The following PROM2 variants were observed in gnomAD, a reference collection of about 807,000 sequenced individuals.
PROM2 encodes prominin 2, also known as prominin-2.
Under a neutral mutation model 110.2 loss-of-function variants are expected in PROM2, and 90 were observed. The observed-to-expected ratio is 0.82, with a 90% CI of 0.69 to 0.97. The LOEUF (loss-of-function observed/expected upper bound fraction) is 0.97. Ranked by LOEUF, PROM2 falls within the 50% of genes least tolerant of loss-of-function variation. PROM2 has a pLI of 0.00. For synonymous variants in PROM2, 470 were observed against 467.8 expected (o/e 1.00, Z -0.06); for missense variants, 1,009 against 1,074.8 (o/e 0.94, Z 0.86).
chr2:95,276,229 T>C lies in PROM2; in HGVS notation c.500T>C (p.Ile167Thr). Reference protein sequence around the residue: ...FLLLTTLLLLIGVVCAFVTNQ... With the variant: ...FLLLTTLLLLTGVVCAFVTNQ... ...TCCTCCTCCCTCCATTCCCACAGGA[T>C]TGGTGTGGTCTGTGCCTTTGTCACC... The change falls in exon 4 of 24, where the codon ATT (isoleucine) becomes ACT (threonine). Residue 167 changes from isoleucine (I) to threonine (T), a missense_variant and splice_region_variant. Ile to Thr is a moderately conservative substitution (Grantham distance 89). Transcript: ENST00000317620. This position sits in a 1 kb window ranked among gnomAD's most constrained non-coding sequence, Gnocchi z 4.6. The C allele has an allele frequency of 1.2e-6, 2 of 1,613,944 alleles. No individual in the cohort carries two copies. Among genetic ancestry groups the C allele is most frequent in the East Asian group, 4.5e-5 (2 of 44,860 alleles).
At chr2:95,280,026 T>C (rs781497690) in intron 11 of PROM2, 29 bp downstream of exon 11, 1 of 1,383,730 alleles carries the variant, frequency 7.2e-7, no homozygotes, top group Admixed American at 2.8e-5. Context: ...AGGGGAAGGG[T>C]CCCCTCTTAT....
Position 95,290,108 on chromosome 2 carries a change from C to T in PROM2, c.*895C>T, listed in dbSNP as rs1437105862. On this transcript the variant is annotated 3_prime_UTR_variant, in exon 24 of 24. Coordinates refer to ENST00000317620, the MANE Select transcript of PROM2 (RefSeq NM_001165978.3). ...TACCTCTTCAGAAGGAAGCATCTTC[C>T]ACAGCCCCCACCCAACTTTCTTAGG... The T allele has an allele frequency of 6.6e-6, 1 of 152,340 alleles. No homozygotes were observed. The highest frequency in any genetic ancestry group is 1.5e-5 in the Non-Finnish European group (1 of 68,138). The allele number at this position is 152,340 out of a possible 1,614,324, so 9.4% of individuals were successfully genotyped here. A position where few individuals can be genotyped will look rare whatever the true frequency, so the allele number is the denominator to read the frequency against.
In PROM2 at chr2:95,286,539, CAGG is replaced by C; in HGVS notation, c.2011_2013del (p.Glu671del). 6.2e-7 allele frequency: 1 copy of C among 1,613,766 alleles called. No individual in the cohort carries two copies. On this transcript the variant is annotated inframe_deletion, in exon 17 of 24. Coordinates refer to ENST00000317620, the MANE Select transcript of PROM2 (RefSeq NM_001165978.3). Reference sequence around the variant, plus strand: ...GGCCCAAGGACTCAGAAACCTTCACCAGGAGAAGGTCGTCCCCCAGCAGAGCCT... The same window carrying C: ...GGCCCAAGGACTCAGAAACCTTCACCAGAAGGTCGTCCCCCAGCAGAGCCT...
At chr2:95,286,940 C>A in intron 18 of PROM2, 83 bp downstream of exon 18, 1 of 1,481,450 alleles carries the variant, frequency 6.8e-7, no homozygotes, top group East Asian at 2.3e-5. Flanking sequence ...TCACTCTGCA[C>A]CTCAGAGCTC....
chr2:95,278,126 C>G, intron 8 of PROM2, 122 bp downstream of exon 8: 1 of 779,748 alleles, frequency 1.3e-6, no homozygotes, highest in African/African-American at 1.7e-5. Flanking sequence ...CACACAGCAC[C>G]CTGGGCAGGG....
At position 95,277,970 on chromosome 2, in the gene PROM2, TC is replaced by T. The variant is rs749380282; in HGVS notation, c.1020del (p.Glu341ArgfsTer33). On this transcript the variant is annotated frameshift_variant, in exon 8 of 24. Coordinates refer to ENST00000317620, the MANE Select transcript of PROM2 (RefSeq NM_001165978.3). LOFTEE classifies it high-confidence loss of function. ...VDHVLHQLKG[V>X]PEANFSSMVQ... ...CATGTCCTGCACCAGCTAAAAGGTGTCCCCGAGGCCAACTTCTCCAGCATGG... is the reference window on the plus strand; with the variant it reads ...CATGTCCTGCACCAGCTAAAAGGTGTCCCGAGGCCAACTTCTCCAGCATGG... 6.2e-7 allele frequency: 1 copy of T among 1,612,040 alleles called. No homozygotes were observed. The highest frequency in any genetic ancestry group is 8.5e-7 in the Non-Finnish European group (1 of 1,179,468).
intron 9 of PROM2, 50 bp downstream of exon 9, chr2:95,278,834 A>C (rs746199904): frequency 1.9e-6 from 3 of 1,611,294 alleles, no homozygotes; most frequent in Non-Finnish European, 2.5e-6. Flanking sequence ...TTCCCACCCC[A>C]CCCCTACCAG....
In PROM2 at chr2:95,286,845, C is replaced by T. The variant is rs1316170408; in HGVS notation, c.2082C>T (p.Ala694=). 1 of 1,613,870 alleles carries T rather than the reference C, an allele frequency of 6.2e-7. No individual in the cohort carries two copies. Among genetic ancestry groups the T allele is most frequent in the Non-Finnish European group, 8.5e-7 (1 of 1,179,986 alleles). ...NLSVRALESS[A]PNLQLETSDV... The stretch of plus-strand genomic sequence containing the variant: ...GCGTCAGGGCCCTGGAGTCCTCTGC[C>T]CCGAATCTCCAGGTGGCTGCTGTTG... The change falls in exon 18 of 24, where the codon GCC becomes GCT. Residue 694 remains alanine, a synonymous_variant. Transcript: ENST00000317620.
At chr2:95,284,398 G>A (rs969100572) in intron 14 of PROM2, among the ~76,000 whole-genome samples, 1 of 152,058 alleles carries the variant, frequency 6.6e-6, no homozygotes, top group African/African-American at 2.4e-5. Flanking sequence ...GGCTGAGGTG[G>A]TAGAATCACT....
At chr2:95,286,988 G>T (rs1486022681) in intron 18 of PROM2, 131 bp downstream of exon 18, 15 of 1,283,298 alleles carry the variant, frequency 1.2e-5, no homozygotes, top group Non-Finnish European at 1.7e-5. Flanking sequence ...GAAGATGGGG[G>T]TGGCAGCAGA....
rs780906535 is a variant in PROM2 at position 95,277,037 on chromosome 2, G to A, written c.748G>A (p.Ala250Thr). Residue 250 changes from alanine (A) to threonine (T), a missense_variant, in exon 6 of 24, where the codon GCG becomes ACG. Coordinates refer to ENST00000317620, the MANE Select transcript of PROM2 (RefSeq NM_001165978.3). ...QLRSSVYPLL[A>T]AVGSLGQVLQ... is the part of the protein sequence containing the mutation. ...CAGGAGCTCCGTGTACCCCTTGCTG[G>A]CGGCCGTGGGCAGTTTGGGCCAGGG... 3.9e-6 allele frequency: 6 copies of A among 1,551,960 alleles called. No individual in the cohort carries two copies. The highest frequency in any genetic ancestry group is 5.2e-6 in the Non-Finnish European group (6 of 1,147,230).
At chr2:95,288,447 C>T (rs1461174102) in intron 21 of PROM2, 36 bp from the exon 22 acceptor site, 19 of 1,603,512 alleles carry the variant, frequency 1.2e-5, no homozygotes, top group Admixed American at 3.3e-5. Flanking sequence ...CTGGGTGCCA[C>T]GTGGGTTGGT....
chr2:95,282,590 A>T (rs1276208637), intron 14 of PROM2, among the ~76,000 whole-genome samples: 1 of 152,132 alleles, frequency 6.6e-6, no homozygotes, highest in African/African-American at 2.4e-5. Context: ...AGTGACAAGG[A>T]TGGTGGTGAG....
intron 8 of PROM2, 61 bp downstream of exon 8, chr2:95,278,065 C>A: frequency 1.4e-6 from 2 of 1,442,108 alleles, no homozygotes; most frequent in Non-Finnish European, 1.9e-6. Flanking sequence ...CCTCTGTTTC[C>A]CCCTTTTGGG....
intron 20 of PROM2, 73 bp downstream of exon 20, chr2:95,287,537 C>A (rs1573463805): frequency 6.7e-7 from 1 of 1,499,862 alleles, no homozygotes; most frequent in Non-Finnish European, 9.2e-7. Context: ...CTCTGCCCCG[C>A]CCCCGCCCCC....
In PROM2 at chr2:95,277,405, A is replaced by G. The variant is rs768628476; in HGVS notation, c.814A>G (p.Thr272Ala). ...GCACCACCTGCAAACCTTGAATGCTACAGTGGTAGAGCTGCAGGCCGGGCA... is the reference window on the plus strand; with the variant it reads ...GCACCACCTGCAAACCTTGAATGCTGCAGTGGTAGAGCTGCAGGCCGGGCA... The part of the protein sequence containing the change: ...SVHHLQTLNA[T>A]VVELQAGQQD... Residue 272 changes from threonine to alanine, a missense_variant, in exon 7 of 24, where the codon ACA becomes GCA. Transcript: ENST00000317620. 51 of 1,612,912 alleles carry G rather than the reference A, an allele frequency of 3.2e-5. 1 individual carries two copies. In the Admixed American group the frequency reaches 8.2e-4, roughly 26 times the overall value.
chr2:95,279,156 C>CA lies in PROM2; in HGVS notation c.1274+12_1274+13insA. On this transcript the variant is annotated intron_variant, in intron 10 of 23. Coordinates refer to ENST00000317620, the MANE Select transcript of PROM2 (RefSeq NM_001165978.3). ...TACGAGACCTACAGGTGCTGGGCAC[C>CA]GCAGGGTGGGATGGGGTGGGGTGGG... 3 of 751,898 alleles carry CA rather than the reference C, an allele frequency of 4.0e-6. 1 individual carries two copies. Among genetic ancestry groups the CA allele is most frequent in the Non-Finnish European group, 6.1e-6 (3 of 490,478 alleles). 46.6% of individuals were successfully genotyped at this position (751,898 alleles called of 1,614,324 possible).
At chr2:95,288,893 G>T in intron 22 of PROM2, 40 bp from the exon 23 acceptor site, 4 of 1,594,374 alleles carry the variant, frequency 2.5e-6, no homozygotes, top group Non-Finnish European at 3.4e-6. Flanking sequence ...TGAGGGTCTG[G>T]GGGGAAGGGT....
intron 8 of PROM2, 188 bp downstream of exon 8, chr2:95,278,192 G>A: frequency 1.6e-6 from 1 of 610,162 alleles, no homozygotes; most frequent in Non-Finnish European, 2.9e-6. Context: ...TGGGAGAGCT[G>A]GGCCCTTCAA....
Sources: allele counts gnomAD v4.1 joint callset (sites outside exome capture counted in the v4.1 genomes callset), GRCh38; gene constraint gnomAD v4.1.1; non-coding constraint Gnocchi (gnomAD v3.1); transcripts MANE v1.5; gene names NCBI Gene and HGNC (gene_info 2026-07-23, HGNC 2026-07-21).